Variants in HSF2BP observed in about 807,000 individuals in gnomAD.
HSF2BP encodes the protein heat shock transcription factor 2 binding protein.
A neutral mutation model predicts 35.0 loss-of-function variants in HSF2BP; 35 were observed. The ratio of observed to expected loss-of-function variants is 1.00; its 90% confidence interval spans 0.76 to 1.32. HSF2BP has a LOEUF of 1.32. Among genes scored for constraint, HSF2BP ranks in the 40% most tolerant of loss-of-function variants. The probability of loss-of-function intolerance (pLI) is 0.00; values close to 1 mark genes in which losing one functional copy is unlikely to be tolerated. For missense variants in HSF2BP, 326 were observed against 321.7 expected (o/e 1.01, Z -0.10); for synonymous variants, 114 against 117.4 (o/e 0.97, Z 0.18).
At position 43,625,298 on chromosome 21, in the gene HSF2BP, C is replaced by T. The variant is rs543808815; in HGVS notation, c.574+5024G>A. Among the ~76,000 whole-genome samples, 13 of 152,126 alleles carry T rather than the reference C, an allele frequency of 8.5e-5. No homozygotes were observed. In the South Asian group the frequency reaches 2.7e-3, roughly 32 times the overall value. On this transcript the variant is annotated intron_variant, in intron 6 of 8. Coordinates refer to ENST00000291560, the MANE Select transcript of HSF2BP (RefSeq NM_007031.2). ...ACAGCCTCCAAGCAGATACATGAAG[C>T]AAGCACTTGCTCACCTGGGGCATAT...
Position 43,638,899 on chromosome 21 carries a change from T to C in HSF2BP, c.291+5390A>G, listed in dbSNP as rs946259331. Among the ~76,000 whole-genome samples, 38 of 152,332 alleles carry C rather than the reference T, an allele frequency of 2.5e-4. 1 individual carries two copies. The highest frequency in any genetic ancestry group is 3.4e-3 in the Middle Eastern group (1 of 292). On this transcript the variant is annotated intron_variant, in intron 4 of 8. Coordinates refer to ENST00000291560, the MANE Select transcript of HSF2BP (RefSeq NM_007031.2). ...ATGGGAAGAATCATTTTATCCAGTG[T>C]TAAGGCTTACTATGTCGCTACAGTA...
chr21:43,659,114 A>G lies in HSF2BP; in HGVS notation c.-225+272T>C, dbSNP rs2082926816. On this transcript the variant is annotated intron_variant, in intron 1 of 8. Coordinates refer to ENST00000291560, the MANE Select transcript of HSF2BP (RefSeq NM_007031.2). This position sits in a 1 kb window ranked among gnomAD's most constrained non-coding sequence, Gnocchi z 4.2. ...GGAGTTTGAGACCAGCTTGGGCAAC[A>G]TAGCGAGACACCGTCTCTACAAAAA... 6.6e-6 allele frequency among the ~76,000 whole-genome samples: 1 copy of G among 152,160 alleles called. No individual in the cohort carries two copies. Among genetic ancestry groups the G allele is most frequent in the Non-Finnish European group, 1.5e-5 (1 of 68,020 alleles).
At chr21:43,642,498 G>A (rs1017158961) in intron 4 of HSF2BP, among the ~76,000 whole-genome samples, 1 of 152,196 alleles carries the variant, frequency 6.6e-6, no homozygotes, top group East Asian at 2.0e-4. Flanking sequence ...CAACCTTGCA[G>A]GAGCTTTCCT....
At chr21:43,655,423 G>C (rs2082853270) in intron 3 of HSF2BP, among the ~76,000 whole-genome samples, 1 of 152,182 alleles carries the variant, frequency 6.6e-6, no homozygotes, top group Admixed American at 6.5e-5. Flanking sequence ...AGAGGGGAGA[G>C]CAGAGATAAC....
intron 3 of HSF2BP, among the ~76,000 whole-genome samples, chr21:43,655,843 T>C (rs530444215): frequency 6.6e-6 from 1 of 152,312 alleles, no homozygotes; most frequent in African/African-American, 2.4e-5. Context: ...CCAGATACGT[T>C]TGCACATGCC....
intron 4 of HSF2BP, among the ~76,000 whole-genome samples, chr21:43,635,498 G>A (rs544933140): frequency 6.6e-6 from 1 of 152,294 alleles, no homozygotes; most frequent in Non-Finnish European, 1.5e-5. Context: ...ATAGATCAGT[G>A]AAACACTGAC....
chr21:43,467,692 ACC>A, the HSF2BP span, among the ~76,000 whole-genome samples: 1 of 59,790 alleles, frequency 1.7e-5, no homozygotes, highest in Non-Finnish European at 3.7e-5. Flanking sequence ...CACACACCAC[ACC>A]ACAAACCACA....
chr21:43,655,165 A>T (rs1349933262), intron 3 of HSF2BP, among the ~76,000 whole-genome samples: 3 of 152,202 alleles, frequency 2.0e-5, no homozygotes, highest in Admixed American at 1.3e-4. Flanking sequence ...GTGAGAATAT[A>T]ACCAACCAGC....
chr21:43,592,929 C>T (rs2081944305), intron 7 of HSF2BP, among the ~76,000 whole-genome samples: 1 of 152,158 alleles, frequency 6.6e-6, no homozygotes, highest in African/African-American at 2.4e-5. Context: ...TCAGAAACTA[C>T]AGGACTTTGG....
intron 3 of HSF2BP, among the ~76,000 whole-genome samples, chr21:43,654,238 G>C (rs1033105610): frequency 1.3e-5 from 2 of 152,124 alleles, no homozygotes; most frequent in African/African-American, 4.8e-5. Context: ...CACAAATTTT[G>C]TTCTTTGAAA....
intron 8 of HSF2BP, among the ~76,000 whole-genome samples, chr21:43,576,055 T>C (rs550066353): frequency 1.7e-4 from 26 of 150,382 alleles, no homozygotes; most frequent in Non-Finnish European, 2.4e-4. Context: ...GAGGCAGAGG[T>C]TGCAGTAAGC....
chr21:43,636,213 G>GAAAAGA (rs1181799919), intron 4 of HSF2BP, among the ~76,000 whole-genome samples: 15 of 19,508 alleles, frequency 7.7e-4, no homozygotes, highest in Non-Finnish European at 1.1e-3. Flanking sequence ...AGAAAGAAAA[G>GAAAAGA]AAAAGAAAAG....
chr21:43,576,004 G>A (rs531544083), intron 8 of HSF2BP, among the ~76,000 whole-genome samples: 2 of 151,764 alleles, frequency 1.3e-5, no homozygotes, highest in Admixed American at 6.6e-5. Flanking sequence ...TGTAGTCCCA[G>A]CTACTCAGGA....
chr21:43,644,852 T>G (rs1016719255), intron 3 of HSF2BP, among the ~76,000 whole-genome samples: 1 of 152,172 alleles, frequency 6.6e-6, no homozygotes, highest in African/African-American at 2.4e-5. Context: ...TGGGAACAAC[T>G]GCAGTAGTAG....
intron 6 of HSF2BP, among the ~76,000 whole-genome samples, 167 bp downstream of exon 6, chr21:43,630,155 A>G (rs1006246499): frequency 4.6e-5 from 7 of 152,274 alleles, no homozygotes; most frequent in African/African-American, 1.7e-4. Flanking sequence ...TTTTTTAGAC[A>G]TAATGCTATT....
intron 6 of HSF2BP, among the ~76,000 whole-genome samples, chr21:43,623,065 T>C (rs1161447937): frequency 2.6e-5 from 4 of 151,952 alleles, no homozygotes; most frequent in Non-Finnish European, 5.9e-5. Context: ...GAGTCTCTCA[T>C]AGTGCTAGGA....
chr21:43,582,472 A>C, intron 8 of HSF2BP, among the ~76,000 whole-genome samples: 1 of 101,964 alleles, frequency 9.8e-6, no homozygotes. Flanking sequence ...CGGCTGAGGG[A>C]GATGAAGGGC....
At chr21:43,656,788 AC>A (rs1163071938) in intron 2 of HSF2BP, 51 bp from the exon 3 acceptor site, 2 of 1,522,386 alleles carry the variant, frequency 1.3e-6, no homozygotes, top group African/African-American at 1.4e-5. Context: ...GAGAAAAAAA[AC>A]AACAGCTCAA....
chr21:43,589,576 A>C (rs2081900441), intron 8 of HSF2BP, among the ~76,000 whole-genome samples: 2 of 152,212 alleles, frequency 1.3e-5, no homozygotes, highest in Non-Finnish European at 2.9e-5. Context: ...AAGAGAACAA[A>C]GTTGGACGAC....
Sources: gnomAD v4.1 joint callset for allele counts (sites outside exome capture counted in the v4.1 genomes callset) on GRCh38, gnomAD v4.1.1 for gene constraint, Gnocchi (gnomAD v3.1) non-coding constraint, MANE v1.5 for transcripts, NCBI Gene and HGNC (gene_info 2026-07-23, HGNC 2026-07-21) for gene names.